Variants in ZNF365 observed in about 807,000 individuals in gnomAD.
ZNF365 encodes zinc finger protein 365, also known as protein ZNF365.
Under a neutral mutation model 35.0 loss-of-function variants are expected in ZNF365, and 22 were observed. The ratio of observed to expected loss-of-function variants is 0.63; its 90% CI spans 0.45 to 0.90. The LOEUF (loss-of-function observed/expected upper bound fraction) is 0.90. ZNF365 is among the 40% of genes least tolerant of loss of function. The pLI is 0.00. For missense variants in ZNF365, 448 were observed against 500.3 expected, an observed-to-expected ratio of 0.90 and a Z score of 1.00; for synonymous variants, 188 against 196.2, an observed-to-expected ratio of 0.96 and a Z score of 0.35.
chr10:62,417,540 G>T (rs1589444692), intron 3 of ZNF365, among the ~76,000 whole-genome samples: 1 of 152,020 alleles, frequency 6.6e-6, no homozygotes, highest in Admixed American at 6.6e-5. Context: ...TGGGACACTT[G>T]CTAATATTCC....
intron 3 of ZNF365, among the ~76,000 whole-genome samples, chr10:62,414,249 G>C (rs1194985915): frequency 1.3e-5 from 2 of 151,720 alleles, no homozygotes; most frequent in Non-Finnish European, 2.9e-5. Flanking sequence ...ACCCAGGCTG[G>C]AATGCAATGG....
At chr10:62,418,276 C>T (rs1840111977) in intron 3 of ZNF365, among the ~76,000 whole-genome samples, 1 of 151,768 alleles carries the variant, frequency 6.6e-6, no homozygotes, top group East Asian at 1.9e-4. Context: ...TTGGAGTTCA[C>T]AAAAAATAGG....
chr10:62,401,322 A>G lies in ZNF365; in HGVS notation c.*1533A>G, dbSNP rs1247798640. 1 of 985,452 alleles carries G rather than the reference A, an allele frequency of 1.0e-6. No homozygotes were observed. Among genetic ancestry groups the G allele is most frequent in the Non-Finnish European group, 1.2e-6 (1 of 829,932 alleles). The allele number at this position is 985,452 out of a possible 1,614,324, so 61.0% of individuals were successfully genotyped here. A position where few individuals can be genotyped will look rare whatever the true frequency, so the allele number is the denominator to read the frequency against. Reference sequence around the variant, plus strand: ...CGTAATTAACATTGGCAGAATTATGATTGTTACTGCAATAAGCATCAAATT... The same window carrying G: ...CGTAATTAACATTGGCAGAATTATGGTTGTTACTGCAATAAGCATCAAATT... On this transcript the variant is annotated 3_prime_UTR_variant, in exon 5 of 5. Transcript: ENST00000395254.
chr10:62,433,717 A>G (rs1247412340), intron 3 of ZNF365, among the ~76,000 whole-genome samples: 1 of 152,196 alleles, frequency 6.6e-6, no homozygotes, highest in African/African-American at 2.4e-5. Context: ...CTGGACCCCA[A>G]TCCAGGCCAA....
rs753127912 is a variant in ZNF365, at chr10:62,399,817, C to T, written c.*28C>T. On this transcript the variant is annotated 3_prime_UTR_variant, in exon 5 of 5. Transcript: ENST00000395254. Reference sequence around the variant, plus strand: ...GGGTGGGTGGTGCTGGACCAATCATCGCTGGGCTTTGGGGAACGTTGTTCC... The same window carrying T: ...GGGTGGGTGGTGCTGGACCAATCATTGCTGGGCTTTGGGGAACGTTGTTCC... 46 of 1,588,320 alleles carry T rather than the reference C, an allele frequency of 2.9e-5. 1 individual carries two copies. In the South Asian group the frequency reaches 3.4e-4, roughly 12 times the overall value.
intron 3 of ZNF365, chr10:62,459,634 CTT>C (rs1310246258): frequency 1.6e-6 from 2 of 1,258,552 alleles, no homozygotes; most frequent in Admixed American, 2.2e-5. Context: ...TGTCAGCTCT[CTT>C]TACTTAAATG....
intron 2 of ZNF365, among the ~76,000 whole-genome samples, chr10:62,385,785 T>C (rs1410561528): frequency 6.6e-6 from 1 of 152,222 alleles, no homozygotes; most frequent in Non-Finnish European, 1.5e-5. Flanking sequence ...GCTGATTCTG[T>C]CCCTGCCCAG....
At chr10:62,476,692 A>G (rs1026556429) in intron 4 of ZNF365, among the ~76,000 whole-genome samples, 1 of 152,250 alleles carries the variant, frequency 6.6e-6, no homozygotes, top group Admixed American at 6.5e-5. Context: ...CATAAGTCAA[A>G]TGGTTAAGGA....
At chr10:62,474,063 C>T (rs1233258923) in intron 4 of ZNF365, among the ~76,000 whole-genome samples, 1 of 152,174 alleles carries the variant, frequency 6.6e-6, no homozygotes, top group African/African-American at 2.4e-5. Context: ...AAGGGAGTAT[C>T]CCCACCACCA....
intron 3 of ZNF365, among the ~76,000 whole-genome samples, 175 bp from the exon 4 acceptor site, chr10:62,398,565 G>A (rs1008944696): frequency 4.6e-5 from 7 of 152,180 alleles, no homozygotes; most frequent in African/African-American, 1.7e-4. Context: ...CAAAGGCTGA[G>A]CATGAGATGT....
At chr10:62,478,390 C>G (rs1426223890) in intron 4 of ZNF365, among the ~76,000 whole-genome samples, 1 of 152,166 alleles carries the variant, frequency 6.6e-6, no homozygotes, top group Non-Finnish European at 1.5e-5. Context: ...GGCATAGCTC[C>G]CAGACATTTT....
At chr10:62,435,084 T>A (rs929228525) in intron 3 of ZNF365, among the ~76,000 whole-genome samples, 1 of 152,128 alleles carries the variant, frequency 6.6e-6, no homozygotes. Flanking sequence ...AAGGGGTATT[T>A]TGGAAACTAA....
chr10:62,470,212 T>C (rs1841011796), intron 4 of ZNF365, among the ~76,000 whole-genome samples: 1 of 152,166 alleles, frequency 6.6e-6, no homozygotes, highest in South Asian at 2.1e-4. Flanking sequence ...AGGAAGAAAG[T>C]CCTTGGAGGA....
At chr10:62,449,761 T>G (rs1034854106) in intron 3 of ZNF365, among the ~76,000 whole-genome samples, 5 of 151,718 alleles carry the variant, frequency 3.3e-5, no homozygotes, top group African/African-American at 1.2e-4. Flanking sequence ...AGTTCCTCAA[T>G]CTCCAAATCT....
intron 3 of ZNF365, among the ~76,000 whole-genome samples, chr10:62,443,178 G>C (rs1403845406): frequency 1.3e-5 from 2 of 152,240 alleles, no homozygotes; most frequent in East Asian, 3.8e-4. Flanking sequence ...CAAGCACTAA[G>C]TACAGCACTG....
chr10:62,445,135 A>G (rs1374895027), intron 3 of ZNF365, among the ~76,000 whole-genome samples: 1 of 151,122 alleles, frequency 6.6e-6, no homozygotes, highest in Non-Finnish European at 1.5e-5. Flanking sequence ...ATAGTATTCC[A>G]TGGTGTATAT....
rs140842791 is a variant in ZNF365, at chr10:62,424,696, C to A, written c.925-35045C>A. ...TGATATAACCAAAGTCTGGGAACGA[C>A]CGCTCCAAATATAGAATACTGGTAG... On this transcript the variant is annotated intron_variant, in intron 3 of 4. Transcript: ENST00000395255. Among the ~76,000 whole-genome samples the A allele has an allele frequency of 1.8e-4, 28 of 152,298 alleles. No homozygotes were observed. The East Asian group carries it at 5.2e-3, about 28-fold the overall frequency.
chr10:62,424,579 A>G (rs1840223479), intron 3 of ZNF365, among the ~76,000 whole-genome samples: 1 of 152,174 alleles, frequency 6.6e-6, no homozygotes, highest in South Asian at 2.1e-4. Context: ...AGAGTTTTAA[A>G]AATTCTTGCA....
At chr10:62,386,139 TG>T (rs1259945368) in intron 2 of ZNF365, among the ~76,000 whole-genome samples, 1 of 152,130 alleles carries the variant, frequency 6.6e-6, no homozygotes, top group African/African-American at 2.4e-5. Flanking sequence ...GCAAGAACCA[TG>T]AAAGGGCTGG....
Sources: allele counts gnomAD v4.1 joint callset (sites outside exome capture counted in the v4.1 genomes callset), GRCh38; gene constraint gnomAD v4.1.1; transcripts MANE v1.5; gene names NCBI Gene and HGNC (gene_info 2026-07-23, HGNC 2026-07-21).